Variants in EXT1 observed in about 807,000 individuals in gnomAD.
EXT1 encodes exostosin glycosyltransferase 1, also known as exostosin-1.
A neutral mutation model predicts 82.5 loss-of-function variants in EXT1; 20 were observed. The observed-to-expected ratio is 0.24, with a 90% CI of 0.17 to 0.35. The LOEUF is 0.35. Among genes scored for constraint, EXT1 ranks in the 10% least tolerant of loss-of-function variants. EXT1 has a pLI of 1.00. For missense variants in EXT1, 757 were observed against 936.5 expected, an observed-to-expected ratio of 0.81 and a Z score of 2.50; for synonymous variants, 348 against 350.8, an observed-to-expected ratio of 0.99 and a Z score of 0.09.
At chr8:117,960,945 C>T (rs746274496) in intron 1 of EXT1, among the ~76,000 whole-genome samples, 5 of 152,080 alleles carry the variant, frequency 3.3e-5, no homozygotes, top group Non-Finnish European at 7.4e-5. Flanking sequence ...ACACACTTAT[C>T]CTGGTGATTC....
intron 1 of EXT1, among the ~76,000 whole-genome samples, chr8:117,897,573 T>C (rs1373492418): frequency 6.7e-6 from 1 of 149,368 alleles, no homozygotes; most frequent in African/African-American, 2.4e-5. Context: ...TTGTAGCCCA[T>C]TGCCGGGCTT....
At chr8:118,073,897 C>T (rs950322671) in intron 1 of EXT1, among the ~76,000 whole-genome samples, 21 of 152,158 alleles carry the variant, frequency 1.4e-4, no homozygotes, top group African/African-American at 5.1e-4. Context: ...TCCAACGGTC[C>T]CTTGGGACAG....
rs11323046 is a variant in EXT1 at position 117,823,506 on chromosome 8, T to TA, written c.1285-910dup. ...ATGTTTTCAGCAATTTTTTTTACAT[T>TA]AAAAAAAAAAAAGAAAAAAATCCTG... On this transcript the variant is annotated intron_variant, in intron 4 of 10. Transcript: ENST00000378204. Among the ~76,000 whole-genome samples the TA allele has an allele frequency of 8.8e-3, 1,251 of 142,684 alleles. 12 individuals are homozygous for TA. The highest frequency in any genetic ancestry group is 0.027 in the African/African-American group (1,062 of 39,252). 93.6% of individuals were successfully genotyped at this position (142,684 alleles called of 152,430 possible). A position where few individuals can be genotyped will look rare whatever the true frequency, so the allele number is the denominator to read the frequency against.
chr8:117,812,726 G>A lies in EXT1; in HGVS notation c.1722+146C>T, dbSNP rs192426061. Reference sequence around the variant, plus strand: ...TGGCAGCAAGGTGCTAACAGGAATCGGGCTGATTAAAACCAGCGCTGTAGG... The same window carrying A: ...TGGCAGCAAGGTGCTAACAGGAATCAGGCTGATTAAAACCAGCGCTGTAGG... On this transcript the variant is annotated intron_variant, in intron 8 of 10. Transcript: ENST00000378204. The A allele has an allele frequency of 7.3e-5, 55 of 753,050 alleles. No homozygotes were observed. The East Asian group carries it at 1.3e-3, about 18-fold the overall frequency. The allele number at this position is 753,050 out of a possible 1,614,324, so 46.6% of individuals were successfully genotyped here.
intron 1 of EXT1, among the ~76,000 whole-genome samples, chr8:117,987,809 C>T (rs1281488880): frequency 6.6e-6 from 1 of 152,126 alleles, no homozygotes; most frequent in Non-Finnish European, 1.5e-5. Context: ...GGCTGTTGGT[C>T]AGGTGCTGTG....
At chr8:118,039,201 TATGTAGGCTCAG>T (rs1464522104) in intron 1 of EXT1, among the ~76,000 whole-genome samples, 1 of 152,256 alleles carries the variant, frequency 6.6e-6, no homozygotes, top group South Asian at 2.1e-4. Flanking sequence ...TTACAAAGTG[TATGTAGGCTCAG>T]ATAATGTATT....
At chr8:118,106,947 C>A (rs1244020049) in intron 1 of EXT1, among the ~76,000 whole-genome samples, 1 of 152,098 alleles carries the variant, frequency 6.6e-6, no homozygotes, top group Non-Finnish European at 1.5e-5. Flanking sequence ...CAAAAAATGA[C>A]AAAAGAAATT....
intron 1 of EXT1, among the ~76,000 whole-genome samples, chr8:117,944,242 CA>C (rs896597983): frequency 1.1e-4 from 17 of 151,798 alleles, no homozygotes; most frequent in Non-Finnish European, 2.4e-4. Flanking sequence ...CAAAAAAATA[CA>C]AAAAAAACTA....
Position 117,862,912 on chromosome 8 carries a change from C to A in EXT1, c.963-25711G>T, listed in dbSNP as rs1238784744. On this transcript the variant is annotated intron_variant, in intron 1 of 10. Transcript: ENST00000378204. Reference sequence around the variant, plus strand: ...ATTCGGGAAGTGGAAAGCATGTATGCAGAGCCCCAGGTTGCAACATTCTGG... The same window carrying A: ...ATTCGGGAAGTGGAAAGCATGTATGAAGAGCCCCAGGTTGCAACATTCTGG... Among the ~76,000 whole-genome samples, 3 of 140,864 alleles carry A rather than the reference C, an allele frequency of 2.1e-5. 1 individual carries two copies. Among genetic ancestry groups the A allele is most frequent in the Non-Finnish European group, 4.8e-5 (3 of 62,760 alleles). The allele number at this position is 140,864 out of a possible 152,430, so 92.4% of individuals were successfully genotyped here.
intron 1 of EXT1, among the ~76,000 whole-genome samples, chr8:118,061,949 G>C (rs996690468): frequency 6.6e-6 from 1 of 152,106 alleles, no homozygotes; most frequent in Non-Finnish European, 1.5e-5. Flanking sequence ...TGCTTTGACT[G>C]AATCTCTTAA....
intron 1 of EXT1, among the ~76,000 whole-genome samples, chr8:118,064,177 T>A: frequency 6.6e-6 from 1 of 152,014 alleles, no homozygotes; most frequent in African/African-American, 2.4e-5. Context: ...ACACACTTTT[T>A]TTCTTTTTCT....
chr8:117,966,671 ACTC>A (rs1278075883), intron 1 of EXT1, among the ~76,000 whole-genome samples: 2 of 152,074 alleles, frequency 1.3e-5, no homozygotes, highest in African/African-American at 4.8e-5. Flanking sequence ...AAACATACCA[ACTC>A]TACCACAATC....
intron 1 of EXT1, among the ~76,000 whole-genome samples, chr8:117,983,977 A>T (rs1563620805): frequency 6.6e-6 from 1 of 152,222 alleles, no homozygotes; most frequent in Non-Finnish European, 1.5e-5. Flanking sequence ...CGATGCAACA[A>T]ATATTGACTG....
intron 1 of EXT1, among the ~76,000 whole-genome samples, chr8:117,902,776 C>A (rs1361458948): frequency 6.6e-6 from 1 of 152,142 alleles, no homozygotes; most frequent in Non-Finnish European, 1.5e-5. Flanking sequence ...CTCCTCTATG[C>A]CTGCCAAGGA....
intron 1 of EXT1, among the ~76,000 whole-genome samples, chr8:117,855,916 C>T (rs1458416290): frequency 3.3e-5 from 5 of 152,172 alleles, no homozygotes; most frequent in Non-Finnish European, 5.9e-5. Context: ...GTGATCCACC[C>T]GCCTCGGCCT....
chr8:117,871,488 G>A (rs1044742641), intron 1 of EXT1, among the ~76,000 whole-genome samples: 1 of 152,158 alleles, frequency 6.6e-6, no homozygotes, highest in Non-Finnish European at 1.5e-5. Flanking sequence ...CAATTAATTT[G>A]CAAATATATT....
chr8:117,957,533 C>T (rs535093183), intron 1 of EXT1, among the ~76,000 whole-genome samples: 1 of 152,218 alleles, frequency 6.6e-6, no homozygotes, highest in Non-Finnish European at 1.5e-5. Context: ...TTGGCACGGG[C>T]CTGGCTCTGC....
At chr8:117,937,109 T>C (rs1240658604) in intron 1 of EXT1, among the ~76,000 whole-genome samples, 1 of 152,154 alleles carries the variant, frequency 6.6e-6, no homozygotes, top group Non-Finnish European at 1.5e-5. Context: ...ACACACCATT[T>C]AGCTCCTTCA....
At chr8:117,821,507 C>A (rs1811923879) in intron 5 of EXT1, among the ~76,000 whole-genome samples, 1 of 152,140 alleles carries the variant, frequency 6.6e-6, no homozygotes. Flanking sequence ...AATTCTGTTA[C>A]CCAAATGTCA....
Sources: allele counts gnomAD v4.1 joint callset (sites outside exome capture counted in the v4.1 genomes callset), GRCh38; gene constraint gnomAD v4.1.1; transcripts MANE v1.5; gene names NCBI Gene and HGNC (gene_info 2026-07-23, HGNC 2026-07-21).